CD109: variants seen among roughly 807,000 people sequenced by gnomAD.
The protein encoded by CD109 is CD109 antigen.
In CD109, 149 loss-of-function variants were observed where a neutral mutation model predicts 165.8. The observed-to-expected ratio is 0.90, with a 90% CI of 0.79 to 1.03. The LOEUF is 1.03. Ranked by LOEUF, CD109 falls within the 50% of genes least tolerant of loss-of-function variation. CD109 has a pLI of 0.00. For missense variants in CD109, 1,712 were observed against 1,677.8 expected (o/e 1.02, Z -0.36); for synonymous variants, 585 against 592.1 (o/e 0.99, Z 0.18).
At chr6:73,819,470 T>C (rs1438986747) in intron 31 of CD109, among the ~76,000 whole-genome samples, 1 of 152,230 alleles carries the variant, frequency 6.6e-6, no homozygotes, top group African/African-American at 2.4e-5. Context: ...TGAACTGATA[T>C]TGAGTTCATA....
chr6:73,802,287 G>GTATATA (rs1325164770), intron 23 of CD109, among the ~76,000 whole-genome samples: 123 of 94,766 alleles, frequency 1.3e-3, no homozygotes, highest in Middle Eastern at 6.7e-3. Flanking sequence ...GTGTGTGTGT[G>GTATATA]TGTATATATA....
At chr6:73,741,563 A>T (rs1772786375) in intron 5 of CD109, among the ~76,000 whole-genome samples, 1 of 152,042 alleles carries the variant, frequency 6.6e-6, no homozygotes, top group Non-Finnish European at 1.5e-5. Context: ...ACATTCCTTT[A>T]TTTTCATTTC....
the CD109 span, among the ~76,000 whole-genome samples, chr6:73,685,672 A>T: frequency 6.6e-6 from 1 of 152,170 alleles, no homozygotes; most frequent in African/African-American, 2.4e-5. Flanking sequence ...CACTGTATCC[A>T]ATATGTAGTC....
chr6:73,706,604 C>T (rs76342929), intron 2 of CD109, among the ~76,000 whole-genome samples: 7,250 of 152,158 alleles, frequency 0.048, 215 homozygotes, highest in East Asian at 0.071. Context: ...TCACTTACCT[C>T]GGAGAATTCT....
intron 5 of CD109, 108 bp from the exon 6 acceptor site, chr6:73,756,535 G>A (rs1240077906): frequency 1.4e-6 from 1 of 729,348 alleles, no homozygotes; most frequent in East Asian, 3.3e-5. Flanking sequence ...CATTATAAAT[G>A]TAATTTAAAA....
chr6:73,820,642 G>A lies in CD109; in HGVS notation c.4162+79G>A, dbSNP rs1169856001. On this transcript the variant is annotated intron_variant, in intron 32 of 32. Transcript: ENST00000287097. ...CATTTATTGGAAGTGACCACACATT[G>A]GATTGGTTCTGTGGCGAGGGCAGGA... 3.5e-6 allele frequency: 3 copies of A among 858,752 alleles called. No individual in the cohort carries two copies. In the African/African-American group the frequency reaches 5.2e-5, roughly 15 times the overall value. The allele number at this position is 858,752 out of a possible 1,614,324, so 53.2% of individuals were successfully genotyped here.
chr6:73,755,334 T>C (rs1271031765), intron 5 of CD109, among the ~76,000 whole-genome samples: 1 of 152,238 alleles, frequency 6.6e-6, no homozygotes, highest in East Asian at 1.9e-4. Flanking sequence ...CAACAACAGC[T>C]AACCAAAGAT....
rs189898900 is a variant in CD109 at position 73,783,895 on chromosome 6, T to A, written c.2223+71T>A. On this transcript the variant is annotated intron_variant, in intron 19 of 32. Transcript: ENST00000287097. The stretch of plus-strand genomic sequence containing the variant: ...CTAATACAGCGTCAGCTCCTCAATT[T>A]TTTTTTTAAATGACTGCTTATAATG... 1.1e-3 allele frequency: 909 copies of A among 806,048 alleles called. 10 individuals are homozygous for A. In the African/African-American group the frequency reaches 0.015, roughly 13 times the overall value. 49.9% of individuals were successfully genotyped at this position (806,048 alleles called of 1,614,324 possible). A position where few individuals can be genotyped will look rare whatever the true frequency, so the allele number is the denominator to read the frequency against.
intron 3 of CD109, among the ~76,000 whole-genome samples, chr6:73,728,956 G>T (rs2150177496): frequency 6.6e-6 from 1 of 152,322 alleles, no homozygotes; most frequent in African/African-American, 2.4e-5. Context: ...TTCTGATTTG[G>T]AGTCTCACGA....
At chr6:73,748,217 T>A (rs1215766476) in intron 5 of CD109, among the ~76,000 whole-genome samples, 1 of 152,168 alleles carries the variant, frequency 6.6e-6, no homozygotes, top group Non-Finnish European at 1.5e-5. Flanking sequence ...TATTACAGTG[T>A]CTCTTAATCT....
At chr6:73,803,411 T>G in intron 24 of CD109, 110 bp downstream of exon 24, 1 of 720,712 alleles carries the variant, frequency 1.4e-6, no homozygotes, top group Non-Finnish European at 2.3e-6. Context: ...GACTGGGAGG[T>G]TGCTTTTTCC....
At chr6:73,749,727 T>G (rs73754672) in intron 5 of CD109, among the ~76,000 whole-genome samples, 40 of 152,328 alleles carry the variant, frequency 2.6e-4, no homozygotes, top group African/African-American at 8.9e-4. Context: ...TTCCTCTGGT[T>G]ATAAAAGTAA....
In CD109 at chr6:73,771,580, A is replaced by G. The variant is rs1425987064; in HGVS notation, c.1826A>G (p.Asn609Ser). The G allele has an allele frequency of 1.3e-6, 2 of 1,547,838 alleles. No homozygotes were observed. Among genetic ancestry groups the G allele is most frequent in the Non-Finnish European group, 1.7e-6 (2 of 1,150,042 alleles). ...GCCTCTAATGATATTACAATGGAAA[A>G]TGTGAGTTTAGCTATTTTTTCATTA... The part of the protein sequence containing the change: ...MNASNDITME[N>S]VVHELELYNT... The change falls in exon 15 of 33, where the codon AAT becomes AGT. Residue 609 changes from asparagine to serine, a missense_variant and splice_region_variant. Asn to Ser is a conservative substitution (Grantham distance 46, BLOSUM62 1). Transcript: ENST00000287097.
At chr6:73,766,541 A>G (rs893626402) in intron 11 of CD109, among the ~76,000 whole-genome samples, 14 of 151,016 alleles carry the variant, frequency 9.3e-5, no homozygotes, top group African/African-American at 2.7e-4. Context: ...GTGTGTATAT[A>G]TATATATATA....
the CD109 span, among the ~76,000 whole-genome samples, chr6:73,682,693 G>C: frequency 6.6e-6 from 1 of 152,360 alleles, no homozygotes; most frequent in Admixed American, 6.5e-5. Context: ...TGCCCTAGCA[G>C]AGGTTCTCCA....
chr6:73,816,497 G>C (rs1458025701), intron 30 of CD109, among the ~76,000 whole-genome samples: 2 of 152,156 alleles, frequency 1.3e-5, no homozygotes, highest in African/African-American at 4.8e-5. Flanking sequence ...TGATCCTCCT[G>C]CGTTGGCCTC....
chr6:73,798,985 TCTC>T (rs1483196265), intron 23 of CD109, among the ~76,000 whole-genome samples: 1 of 152,088 alleles, frequency 6.6e-6, no homozygotes, highest in Non-Finnish European at 1.5e-5. Flanking sequence ...CTCCTCTCCT[TCTC>T]CTCTCTTCTT....
At chr6:73,755,961 A>AAAAAAC (rs1487296439) in intron 5 of CD109, among the ~76,000 whole-genome samples, 1 of 152,118 alleles carries the variant, frequency 6.6e-6, no homozygotes, top group Middle Eastern at 3.2e-3. Flanking sequence ...ACCCTGTCTG[A>AAAAAAC]AAAAACAAAA....
rs894742549 is a variant in CD109 at position 73,808,263 on chromosome 6, C to G, written c.3355+15C>G. ...AGAACAAGAAGGTAATGTGCTGGGC[C>G]CACTTGAGGTTGTTATGCTTTATGA... On this transcript the variant is annotated intron_variant, in intron 26 of 32. Transcript: ENST00000287097. 5 of 1,594,512 alleles carry G rather than the reference C, an allele frequency of 3.1e-6. No individual in the cohort carries two copies. Among genetic ancestry groups the G allele is most frequent in the East Asian group, 4.5e-5 (2 of 44,684 alleles).
Sources: gnomAD v4.1 joint callset for allele counts (sites outside exome capture counted in the v4.1 genomes callset) on GRCh38, gnomAD v4.1.1 for gene constraint, MANE v1.5 for transcripts, NCBI Gene and HGNC (gene_info 2026-07-23, HGNC 2026-07-21) for gene names.